The following ELAVL4 variants were observed in gnomAD, a reference collection of about 807,000 sequenced individuals.
ELAVL4 encodes ELAV-like protein 4.
ELAVL4 carries 1 observed loss-of-function variant against 35.6 expected under a neutral mutation model. The observed-to-expected ratio is 0.03, with a 90% CI of 0.01 to 0.13. ELAVL4 has a LOEUF of 0.13. ELAVL4 is among the 10% of genes least tolerant of loss of function. The pLI, the probability that ELAVL4 is intolerant of heterozygous loss-of-function variation, is 1.00. For synonymous variants in ELAVL4, 156 were observed against 171.0 expected, an observed-to-expected ratio of 0.91 and a Z score of 0.69; for missense variants, 267 against 464.9, an observed-to-expected ratio of 0.57 and a Z score of 3.91.
intron 2 of ELAVL4, among the ~76,000 whole-genome samples, chr1:50,161,309 G>A (rs912823023): frequency 1.1e-4 from 17 of 151,702 alleles, no homozygotes; most frequent in African/African-American, 4.1e-4. Context: ...TTCCTGTCTT[G>A]TAAGAATATT....
intron 2 of ELAVL4, among the ~76,000 whole-genome samples, chr1:50,166,536 G>T (rs973381789): frequency 2.6e-5 from 4 of 152,148 alleles, no homozygotes; most frequent in African/African-American, 7.2e-5. Context: ...CCCTGTTTCT[G>T]TACCCATTTG....
intron 2 of ELAVL4, among the ~76,000 whole-genome samples, chr1:50,153,518 A>C (rs1160063431): frequency 6.6e-6 from 1 of 152,170 alleles, no homozygotes; most frequent in Non-Finnish European, 1.5e-5. Flanking sequence ...GAATGAAGAC[A>C]ACATCAGTTA....
At chr1:50,151,570 T>C (rs957107970) in intron 2 of ELAVL4, among the ~76,000 whole-genome samples, 1 of 152,330 alleles carries the variant, frequency 6.6e-6, no homozygotes, top group East Asian at 1.9e-4. Flanking sequence ...AATCCCAAGA[T>C]ATTGATTAGC....
chr1:50,157,395 G>A (rs1179363685), intron 2 of ELAVL4, among the ~76,000 whole-genome samples: 1 of 152,120 alleles, frequency 6.6e-6, no homozygotes. Context: ...TGTAAGCAGG[G>A]GATTTATGAG....
upstream of ELAVL4, among the ~76,000 whole-genome samples, chr1:50,102,565 A>C (rs1049068939): frequency 6.6e-6 from 1 of 152,048 alleles, no homozygotes; most frequent in African/African-American, 2.4e-5. Context: ...GAATTTTTTT[A>C]AATTCCATAT....
At chr1:50,063,032 A>G (rs1572111404) in intron 1 of ELAVL4, among the ~76,000 whole-genome samples, 1 of 152,154 alleles carries the variant, frequency 6.6e-6, no homozygotes, top group East Asian at 1.9e-4. Flanking sequence ...TTCTGGTAGG[A>G]TAATTGGATT....
rs534998748 is a variant in ELAVL4 at position 50,072,119 on chromosome 1, A to G, written c.18+23937A>G. ...TTGTCTTCTGTTCCTGTTTGCATTT[A>G]TAAGCATGGGAGGGCCCATGAGTGC... On this transcript the variant is annotated intron_variant, in intron 1 of 6. Coordinates refer to the ELAVL4 transcript ENST00000448907. Among the ~76,000 whole-genome samples the G allele has an allele frequency of 3.3e-5, 5 of 152,332 alleles. No individual in the cohort carries two copies. In the South Asian group the frequency reaches 8.3e-4, roughly 25 times the overall value.
intron 1 of ELAVL4, among the ~76,000 whole-genome samples, chr1:50,088,929 A>AT (rs1175912038): frequency 2.8e-3 from 4 of 1,434 alleles, no homozygotes; most frequent in Non-Finnish European, 0.021. Context: ...TGTTGGTTTT[A>AT]CCAGGCTTGG....
chr1:50,196,014 T>C (rs891672971), intron 5 of ELAVL4, among the ~76,000 whole-genome samples: 4 of 152,234 alleles, frequency 2.6e-5, no homozygotes, highest in African/African-American at 9.6e-5. Flanking sequence ...CTGTATAAAC[T>C]TTAGATTCTT....
rs530590003 is a variant in ELAVL4, at chr1:50,071,035, A to G, written c.18+22853A>G. The stretch of plus-strand genomic sequence containing the variant: ...GATGTCCAACTGGCTCCTTAGCGCC[A>G]TCCTGCTATACCTGCACCTCCAGAC... On this transcript the variant is annotated intron_variant, in intron 1 of 6. Coordinates refer to the ELAVL4 transcript ENST00000448907. 1.2e-3 allele frequency among the ~76,000 whole-genome samples: 178 copies of G among 152,126 alleles called. 1 individual carries two copies. The Middle Eastern group carries it at 0.014, about 12-fold the overall frequency.
chr1:50,193,384 GT>G (rs1249545495), intron 3 of ELAVL4, among the ~76,000 whole-genome samples: 1 of 149,596 alleles, frequency 6.7e-6, no homozygotes, highest in Non-Finnish European at 1.5e-5. Flanking sequence ...TTTTTTTCTG[GT>G]TTATTCAAAG....
rs141201366 is a variant in ELAVL4, at chr1:50,055,132, G to T, written c.18+6950G>T. ...TTGAATATGCCTTCTGTTTCCTGTT[G>T]AGACCCTGACCAAGACACCACTTTA... On this transcript the variant is annotated intron_variant, in intron 1 of 6. Coordinates refer to the ELAVL4 transcript ENST00000448907. Among the ~76,000 whole-genome samples, 80 of 152,148 alleles carry T rather than the reference G, an allele frequency of 5.3e-4. No individual in the cohort carries two copies. The East Asian group carries it at 0.014, about 26-fold the overall frequency.
At chr1:50,183,210 T>C (rs1681323451) in intron 3 of ELAVL4, among the ~76,000 whole-genome samples, 1 of 152,180 alleles carries the variant, frequency 6.6e-6, no homozygotes, top group African/African-American at 2.4e-5. Flanking sequence ...CTTAGTGACT[T>C]ACCTTTTTCT....
At chr1:50,103,788 T>C, upstream of ELAVL4, 1 of 869,170 alleles carries the variant, frequency 1.2e-6, no homozygotes, top group South Asian at 1.7e-5. Context: ...CTGTTCACTC[T>C]ACCTTCCCAC....
intron 3 of ELAVL4, among the ~76,000 whole-genome samples, chr1:50,189,356 C>T (rs1012625618): frequency 6.6e-5 from 10 of 152,242 alleles, no homozygotes; most frequent in African/African-American, 1.2e-4. Context: ...CCTCAGCCCT[C>T]GTCCTGATGC....
intron 1 of ELAVL4, among the ~76,000 whole-genome samples, chr1:50,143,346 A>G (rs1024865229): frequency 2.6e-5 from 4 of 152,214 alleles, no homozygotes; most frequent in African/African-American, 9.6e-5. Flanking sequence ...GATGTCTGCT[A>G]TGCCTTGGTT....
chr1:50,119,094 A>AAGATAG (rs372191131), intron 1 of ELAVL4, among the ~76,000 whole-genome samples: 2 of 105,514 alleles, frequency 1.9e-5, no homozygotes, highest in Non-Finnish European at 3.9e-5. Context: ...GAAAGAAAGA[A>AAGATAG]AAAGAAAAAG....
At position 50,153,453 on chromosome 1, in the gene ELAVL4, G is replaced by T. The variant is rs545524313; in HGVS notation, c.250+8256G>T. Reference sequence around the variant, plus strand: ...TAGTCAGCTGGTGAGTGGGGTTAGGGCATCTGACTGCAAAGTCTATGGTCT... The same window carrying T: ...TAGTCAGCTGGTGAGTGGGGTTAGGTCATCTGACTGCAAAGTCTATGGTCT... On this transcript the variant is annotated intron_variant, in intron 2 of 6. Coordinates refer to ENST00000371824, the MANE Select transcript of ELAVL4 (RefSeq NM_001144774.3). Among the ~76,000 whole-genome samples the T allele has an allele frequency of 2.4e-4, 37 of 152,310 alleles. 1 individual carries two copies. In the South Asian group the frequency reaches 7.5e-3, roughly 31 times the overall value.
upstream of ELAVL4, chr1:50,103,902 G>T: frequency 6.2e-7 from 1 of 1,611,466 alleles, no homozygotes; most frequent in South Asian, 1.1e-5. Context: ...TGTGAAGAGA[G>T]AGGCTCAGTC....
Sources: gnomAD v4.1 joint callset for allele counts (sites outside exome capture counted in the v4.1 genomes callset) on GRCh38, gnomAD v4.1.1 for gene constraint, MANE v1.5 for transcripts, NCBI Gene and HGNC (gene_info 2026-07-23, HGNC 2026-07-21) for gene names.